The following MMRN1 variants were observed in gnomAD, a reference collection of about 807,000 sequenced individuals.
MMRN1 encodes the protein multimerin-1.
In MMRN1, 94 loss-of-function variants were observed where a neutral mutation model predicts 100.7. The ratio of observed to expected loss-of-function variants is 0.93; its 90% CI spans 0.79 to 1.11. The LOEUF is 1.11. Ranked by LOEUF, MMRN1 falls within the 50% of genes least tolerant of loss-of-function variation. MMRN1 has a pLI of 0.00. For synonymous variants in MMRN1, 575 were observed against 505.0 expected (o/e 1.14, Z -1.86); for missense variants, 1,606 against 1,439.1 (o/e 1.12, Z -1.88).
At chr4:89,885,616 C>T (rs1368319127) in intron 1 of MMRN1, among the ~76,000 whole-genome samples, 1 of 152,026 alleles carries the variant, frequency 6.6e-6, no homozygotes, top group Admixed American at 6.6e-5. Context: ...ATGTCTCTTT[C>T]TACCAGTTTT....
chr4:89,885,394 AT>A (rs773736177), intron 1 of MMRN1, among the ~76,000 whole-genome samples: 11 of 151,916 alleles, frequency 7.2e-5, no homozygotes, highest in African/African-American at 2.7e-4. Flanking sequence ...TTTTCTTGAA[AT>A]TTTTTTTGTA....
At chr4:89,892,673 C>T (rs1721081458), upstream of MMRN1, among the ~76,000 whole-genome samples, 3 of 151,814 alleles carry the variant, frequency 2.0e-5, no homozygotes, top group South Asian at 6.3e-4. Context: ...TTTCAGGGTC[C>T]CTTGTAAGCT....
chr4:89,952,494 A>T (rs1354941059), intron 7 of MMRN1, among the ~76,000 whole-genome samples: 1 of 152,180 alleles, frequency 6.6e-6, no homozygotes, highest in Non-Finnish European at 1.5e-5. Flanking sequence ...GGCATTAATT[A>T]CACAGAAAAT....
upstream of MMRN1, among the ~76,000 whole-genome samples, chr4:89,891,296 A>G (rs1385732978): frequency 6.6e-6 from 1 of 152,020 alleles, no homozygotes; most frequent in African/African-American, 2.4e-5. Context: ...TGTGGCTATA[A>G]TAATGTGAAA....
intron 1 of MMRN1, among the ~76,000 whole-genome samples, chr4:89,881,341 T>A (rs921002625): frequency 6.6e-6 from 1 of 152,134 alleles, no homozygotes; most frequent in African/African-American, 2.4e-5. Context: ...TAGGACCTGC[T>A]TATTTTGAGG....
At chr4:89,894,461 A>G (rs1408328741), upstream of MMRN1, among the ~76,000 whole-genome samples, 2 of 152,186 alleles carry the variant, frequency 1.3e-5, no homozygotes, top group African/African-American at 4.8e-5. Flanking sequence ...TATACACTTG[A>G]ACAAAATGCA....
intron 1 of MMRN1, among the ~76,000 whole-genome samples, chr4:89,889,469 T>A (rs950743180): frequency 6.6e-5 from 10 of 152,240 alleles, no homozygotes; most frequent in African/African-American, 2.2e-4. Flanking sequence ...TTCCTGCTTA[T>A]CCCTGAGTAG....
intron 1 of MMRN1, among the ~76,000 whole-genome samples, chr4:89,904,237 A>AT (rs1196032681): frequency 1.3e-5 from 2 of 151,590 alleles, no homozygotes; most frequent in South Asian, 2.1e-4. Context: ...TTTGTGTGGC[A>AT]TTTTTTTCAG....
Position 89,936,747 on chromosome 4 carries a change from A to G in MMRN1, c.3067A>G (p.Thr1023Ala). The G allele has an allele frequency of 4.3e-6, 7 of 1,612,474 alleles. No individual in the cohort carries two copies. The highest frequency in any genetic ancestry group is 5.9e-6 in the Non-Finnish European group (7 of 1,179,280). ...TAAGAAACCAACGGTAAATCTTACCACAGTCCTGATAGGCCGGACTCAAAG... is the reference window on the plus strand; with the variant it reads ...TAAGAAACCAACGGTAAATCTTACCGCAGTCCTGATAGGCCGGACTCAAAG... ...ALKKPTVNLT[T>A]VLIGRTQRNT... The change falls in exon 6 of 8, where the codon ACA becomes GCA. Residue 1023 changes from threonine to alanine, a missense_variant. Physicochemically the swap from Thr to Ala is moderately conservative, Grantham distance 58 (BLOSUM62 0). Coordinates refer to ENST00000264790, the MANE Select transcript of MMRN1 (RefSeq NM_007351.3).
intron 1 of MMRN1, chr4:89,901,865 C>T (rs933133873): frequency 1.3e-5 from 2 of 151,716 alleles, no homozygotes; most frequent in Admixed American, 1.3e-4. Flanking sequence ...TTTTTGTATT[C>T]GCACAACTTC....
At chr4:89,898,370 A>G (rs1008000496) in intron 1 of MMRN1, among the ~76,000 whole-genome samples, 1 of 152,034 alleles carries the variant, frequency 6.6e-6, no homozygotes, top group Non-Finnish European at 1.5e-5. Context: ...CACTTGGCTA[A>G]CAAAGCTCAG....
At chr4:89,907,834 T>TG (rs200618503) in intron 1 of MMRN1, among the ~76,000 whole-genome samples, 3,844 of 151,108 alleles carry the variant, frequency 0.025, 87 homozygotes, top group Non-Finnish European at 0.04. Context: ...TTTTTGTTTT[T>TG]TTTTTTTCTA....
rs140341681 is a variant in MMRN1 at position 89,919,528 on chromosome 4, A to C, written c.851-3640A>C. On this transcript the variant is annotated intron_variant, in intron 3 of 7. Coordinates refer to ENST00000264790, the MANE Select transcript of MMRN1 (RefSeq NM_007351.3). ...AATAATCTACCAATATTGAAAATCAAGTTGATTTTCATTCCAGAAATGTAA... is the reference window on the plus strand; with the variant it reads ...AATAATCTACCAATATTGAAAATCACGTTGATTTTCATTCCAGAAATGTAA... Among the ~76,000 whole-genome samples the C allele has an allele frequency of 6.6e-3, 1,001 of 151,854 alleles. 12 individuals carry two copies. The highest frequency in any genetic ancestry group is 0.022 in the African/African-American group (930 of 41,544).
chr4:89,912,493 C>A (rs1721786506), intron 3 of MMRN1, among the ~76,000 whole-genome samples: 1 of 150,396 alleles, frequency 6.6e-6, no homozygotes, highest in Non-Finnish European at 1.5e-5. Flanking sequence ...AAAGGACATA[C>A]AAGGTATGTC....
At chr4:89,950,658 A>G (rs1723136353) in intron 6 of MMRN1, among the ~76,000 whole-genome samples, 2 of 151,940 alleles carry the variant, frequency 1.3e-5, no homozygotes, top group Admixed American at 1.3e-4. Flanking sequence ...CTACTGATAC[A>G]TTCTCCGTTT....
intron 3 of MMRN1, 117 bp downstream of exon 3, chr4:89,912,167 G>T: frequency 1.7e-6 from 1 of 605,706 alleles, no homozygotes; most frequent in Non-Finnish European, 2.7e-6. Flanking sequence ...CAAACTCCTA[G>T]GACTGTTATA....
chr4:89,937,028 A>T lies in MMRN1; in HGVS notation c.3118+230A>T, dbSNP rs965668720. Among the ~76,000 whole-genome samples, 3 of 152,082 alleles carry T rather than the reference A, an allele frequency of 2.0e-5. No individual in the cohort carries two copies. In the South Asian group the frequency reaches 6.2e-4, roughly 31 times the overall value. ...AGTGTATATTTGGCTATGTGTTTTT[A>T]AAATTTTTCTGACTAGACCTCTATA... is the stretch of plus-strand genomic sequence containing the variant. On this transcript the variant is annotated intron_variant, in intron 6 of 7. Coordinates refer to ENST00000264790, the MANE Select transcript of MMRN1 (RefSeq NM_007351.3).
In MMRN1 at chr4:89,953,387, C is replaced by T; in HGVS notation, c.3656C>T (p.Thr1219Ile). 1 of 1,609,792 alleles carries T rather than the reference C, an allele frequency of 6.2e-7. No homozygotes were observed. Among genetic ancestry groups the T allele is most frequent in the Non-Finnish European group, 8.5e-7 (1 of 1,178,332 alleles). The change falls in exon 8 of 8, where the codon ACA becomes ATA. Residue 1219 changes from threonine to isoleucine, a missense_variant. Transcript: ENST00000264790. ...TIPAKFPPVT[T>I]FSGYLLYRT is the part of the protein sequence containing the mutation. ...CCAGCCAAGTTTCCCCCTGTTACTA[C>T]ATTTAGTGGCTATTTATTATATCGT...
At chr4:89,931,879 C>T (rs1722450571) in intron 5 of MMRN1, among the ~76,000 whole-genome samples, 1 of 152,004 alleles carries the variant, frequency 6.6e-6, no homozygotes, top group Non-Finnish European at 1.5e-5. Flanking sequence ...AATGCCAAAC[C>T]ATATTATTTC....
Sources: gnomAD v4.1 joint callset for allele counts (sites outside exome capture counted in the v4.1 genomes callset) on GRCh38, gnomAD v4.1.1 for gene constraint, MANE v1.5 for transcripts, NCBI Gene and HGNC (gene_info 2026-07-23, HGNC 2026-07-21) for gene names.